Variants in DGKI observed in about 807,000 individuals in gnomAD.
The protein encoded by DGKI is DAG kinase iota.
A neutral mutation model predicts 147.5 loss-of-function variants in DGKI; 55 were observed. The ratio of observed to expected loss-of-function variants is 0.37; its 90% confidence interval spans 0.30 to 0.47. The LOEUF is 0.47. Among genes scored for constraint, DGKI ranks in the 20% least tolerant of loss-of-function variants. The pLI, the probability that DGKI is intolerant of heterozygous loss-of-function variation, is 1.00. For synonymous variants in DGKI, 469 were observed against 477.1 expected, an observed-to-expected ratio of 0.98 and a Z score of 0.22; for missense variants, 1,007 against 1,323.8, an observed-to-expected ratio of 0.76 and a Z score of 3.71.
chr7:137,694,338 T>A lies in DGKI; in HGVS notation c.402-4336A>T, dbSNP rs893534668. ...CCGTCTCAAAAAAAAAAAAAAAAAATTTATGGAAAACATGCAAATAAGCCA... is the reference window on the plus strand; with the variant it reads ...CCGTCTCAAAAAAAAAAAAAAAAAAATTATGGAAAACATGCAAATAAGCCA... On this transcript the variant is annotated intron_variant, in intron 1 of 32. Transcript: ENST00000614521. 1.3e-4 allele frequency among the ~76,000 whole-genome samples: 20 copies of A among 150,878 alleles called. No homozygotes were observed. In the South Asian group the frequency reaches 2.5e-3, roughly 19 times the overall value.
At chr7:137,692,087 A>G (rs781763942) in intron 1 of DGKI, among the ~76,000 whole-genome samples, 38 of 152,132 alleles carry the variant, frequency 2.5e-4, no homozygotes, top group Non-Finnish European at 4.4e-4. Flanking sequence ...AGCATATTCC[A>G]TATCATCGAG....
intron 21 of DGKI, among the ~76,000 whole-genome samples, chr7:137,515,523 T>A (rs983890182): frequency 6.6e-6 from 1 of 152,176 alleles, no homozygotes; most frequent in Non-Finnish European, 1.5e-5. Context: ...AGTTTAAATG[T>A]AAGAAGACAT....
intron 20 of DGKI, among the ~76,000 whole-genome samples, chr7:137,529,279 T>C (rs1817256025): frequency 6.6e-6 from 1 of 152,140 alleles, no homozygotes; most frequent in South Asian, 2.1e-4. Context: ...CACCACTATG[T>C]AATCTACGCA....
chr7:137,601,659 C>T lies in DGKI; in HGVS notation c.1168-1754G>A, dbSNP rs3800612. ...GAATTAAGTGAATCACTAACAGTCA[C>T]GTATCTAGCACAGTATGCGGCACAA... On this transcript the variant is annotated intron_variant, in intron 10 of 32. Coordinates refer to ENST00000614521, the MANE Select transcript of DGKI (RefSeq NM_001321708.2). Among the ~76,000 whole-genome samples the T allele has an allele frequency of 5.9e-5, 9 of 152,170 alleles. No homozygotes were observed. In the South Asian group the frequency reaches 6.2e-4, roughly 11 times the overall value.
intron 32 of DGKI, 147 bp downstream of exon 32, chr7:137,395,450 GA>G: frequency 3.0e-6 from 2 of 656,174 alleles, no homozygotes; most frequent in East Asian, 5.5e-5. Context: ...TTCTCTAAAT[GA>G]AGCACTCTAT....
At chr7:137,587,331 T>C (rs1330276609) in intron 12 of DGKI, 121 bp from the exon 13 acceptor site, 2 of 701,890 alleles carry the variant, frequency 2.8e-6, no homozygotes, top group Non-Finnish European at 4.3e-6. Context: ...CTTTAAAACA[T>C]GTATGTTTTC....
At chr7:137,446,554 C>T (rs938307585) in intron 27 of DGKI, among the ~76,000 whole-genome samples, 1 of 152,028 alleles carries the variant, frequency 6.6e-6, no homozygotes, top group South Asian at 2.1e-4. Context: ...GGTGAAACCC[C>T]GTCTCTACTG....
At chr7:137,439,513 T>C (rs1477178697) in intron 28 of DGKI, among the ~76,000 whole-genome samples, 5 of 152,172 alleles carry the variant, frequency 3.3e-5, no homozygotes, top group Non-Finnish European at 7.4e-5. Flanking sequence ...ATGAGACTTA[T>C]TCACTATCAC....
Position 137,846,709 on chromosome 7 carries a change from C to A in DGKI, c.154G>T (p.Ala52Ser). 9.7e-7 allele frequency: 1 copy of A among 1,031,858 alleles called. No homozygotes were observed. Among genetic ancestry groups the A allele is most frequent in the South Asian group, 3.8e-5 (1 of 26,510 alleles). The allele number at this position is 1,031,858 out of a possible 1,614,324, so 63.9% of individuals were successfully genotyped here. A position where few individuals can be genotyped will look rare whatever the true frequency, so the allele number is the denominator to read the frequency against. Reference protein sequence around the residue: ...CAPSAAAGAGAMNPSSSAGEE... With the variant: ...CAPSAAAGAGSMNPSSSAGEE... ...CCCGCCGAGGAGCTGGGGTTCATGG[C>A]GCCCGCTCCGGCGGCCGCGGAGGGA... Residue 52 changes from alanine to serine, a missense_variant, in exon 1 of 33, where the codon GCC becomes TCC. This residue lies in a region of DGKI where 137 missense variants were observed against 114.4 expected (regional missense o/e 1.20). Coordinates refer to ENST00000614521, the MANE Select transcript of DGKI (RefSeq NM_001321708.2). The surrounding 1 kb of genome is among the most constrained non-coding windows in gnomAD (Gnocchi z 4.0).
At chr7:137,540,762 C>CA (rs1563075698) in intron 20 of DGKI, among the ~76,000 whole-genome samples, 1 of 58,400 alleles carries the variant, frequency 1.7e-5, no homozygotes, top group Non-Finnish European at 2.9e-5. Context: ...AAAACCCCCC[C>CA]AAAAAAAAAA....
intron 23 of DGKI, among the ~76,000 whole-genome samples, chr7:137,477,225 T>C (rs1815199889): frequency 6.6e-6 from 1 of 152,164 alleles, no homozygotes; most frequent in Admixed American, 6.5e-5. Context: ...TCAATGGGAA[T>C]GGCAGGCAAC....
At chr7:137,772,407 A>G (rs1353717499) in intron 1 of DGKI, among the ~76,000 whole-genome samples, 1 of 152,186 alleles carries the variant, frequency 6.6e-6, no homozygotes, top group South Asian at 2.1e-4. Context: ...TGACCGGCAC[A>G]GTGTCTGACA....
chr7:137,631,898 C>T (rs1002844139), intron 6 of DGKI, among the ~76,000 whole-genome samples: 2 of 152,184 alleles, frequency 1.3e-5, no homozygotes, highest in African/African-American at 4.8e-5. Context: ...AAGGACACTC[C>T]ATTTACCAAA....
chr7:137,602,270 G>T lies in DGKI; in HGVS notation c.1168-2365C>A, dbSNP rs560542694. Among the ~76,000 whole-genome samples the T allele has an allele frequency of 1.5e-3, 228 of 152,232 alleles. 2 individuals are homozygous for T. The highest frequency in any genetic ancestry group is 4.8e-3 in the African/African-American group (201 of 41,550). On this transcript the variant is annotated intron_variant, in intron 10 of 32. Coordinates refer to ENST00000614521, the MANE Select transcript of DGKI (RefSeq NM_001321708.2). ...AGCTCAGCTTCAGCCTCTCCATTAT[G>T]CAAATATTAATAGGTAACTAACATC...
chr7:137,746,524 G>A (rs1795339078), intron 1 of DGKI, among the ~76,000 whole-genome samples: 1 of 152,170 alleles, frequency 6.6e-6, no homozygotes, highest in Non-Finnish European at 1.5e-5. Context: ...CCCACTGGCA[G>A]CCATCCTGGG....
At chr7:137,641,129 A>T (rs745488961) in intron 6 of DGKI, among the ~76,000 whole-genome samples, 9 of 152,086 alleles carry the variant, frequency 5.9e-5, no homozygotes, top group Non-Finnish European at 1.2e-4. Context: ...TAAAAATGGG[A>T]GTTTCCCTGC....
At chr7:137,472,392 T>TATGTATATATACA (rs61018353) in intron 23 of DGKI, among the ~76,000 whole-genome samples, 1 of 12,842 alleles carries the variant, frequency 7.8e-5, no homozygotes, top group African/African-American at 1.3e-4. Context: ...TATATACATA[T>TATGTATATATACA]TATAATTATT....
At chr7:137,689,619 C>G (rs1434843663) in intron 2 of DGKI, among the ~76,000 whole-genome samples, 1 of 152,216 alleles carries the variant, frequency 6.6e-6, no homozygotes, top group African/African-American at 2.4e-5. Context: ...CCAATAAAGA[C>G]TGCGCACGAG....
chr7:137,641,813 T>A lies in DGKI; in HGVS notation c.804+3659A>T, dbSNP rs115811341. Among the ~76,000 whole-genome samples, 506 of 152,356 alleles carry A rather than the reference T, an allele frequency of 3.3e-3. 2 individuals are homozygous for A. The highest frequency in any genetic ancestry group is 0.011 in the African/African-American group (474 of 41,584). ...TGTTTATTTTTATAACTTTTACATA[T>A]GAAGAAATAAAAGATAAGCTTTTAA... On this transcript the variant is annotated intron_variant, in intron 6 of 32. Coordinates refer to ENST00000614521, the MANE Select transcript of DGKI (RefSeq NM_001321708.2).
Sources: gnomAD v4.1 joint callset for allele counts (sites outside exome capture counted in the v4.1 genomes callset) on GRCh38, gnomAD v4.1.1 for gene constraint, gnomAD v4.1.1 regional missense constraint, Gnocchi (gnomAD v3.1) non-coding constraint, MANE v1.5 for transcripts, NCBI Gene and HGNC (gene_info 2026-07-23, HGNC 2026-07-21) for gene names.